Variants in CADPS2 observed in about 807,000 individuals in gnomAD.
CADPS2 encodes calcium-dependent secretion activator 2.
A neutral mutation model predicts 172.5 loss-of-function variants in CADPS2; 93 were observed. That is an observed-to-expected ratio of 0.54 (90% CI 0.46 to 0.64). The LOEUF (loss-of-function observed/expected upper bound fraction) is 0.64, where lower values mean the gene tolerates loss of function less well. CADPS2 is among the 30% of genes least tolerant of loss of function. The pLI is 0.00. For synonymous variants in CADPS2, 546 were observed against 555.2 expected (o/e 0.98, Z 0.23); for missense variants, 1,420 against 1,565.9 (o/e 0.91, Z 1.57).
At chr7:122,478,466 C>T (rs1263541942) in intron 12 of CADPS2, among the ~76,000 whole-genome samples, 1 of 152,058 alleles carries the variant, frequency 6.6e-6, no homozygotes, top group South Asian at 2.1e-4. Context: ...TATGCTCGAG[C>T]GTCTTTAGGT....
intron 1 of CADPS2, among the ~76,000 whole-genome samples, chr7:122,765,058 C>G (rs1299337963): frequency 6.6e-6 from 1 of 152,300 alleles, no homozygotes; most frequent in East Asian, 1.9e-4. Flanking sequence ...TTCACTCTCT[C>G]ATGAATTTAA....
intron 2 of CADPS2, among the ~76,000 whole-genome samples, chr7:122,717,057 C>A (rs2089712044): frequency 1.3e-5 from 2 of 152,116 alleles, no homozygotes; most frequent in South Asian, 4.1e-4. Flanking sequence ...AGCTAAATGG[C>A]AAAACAAAGA....
At chr7:122,669,212 T>C (rs2081504753) in intron 2 of CADPS2, among the ~76,000 whole-genome samples, 1 of 152,022 alleles carries the variant, frequency 6.6e-6, no homozygotes, top group South Asian at 2.1e-4. Flanking sequence ...ATGCCTGTGC[T>C]CCTAGCTACA....
intron 1 of CADPS2, among the ~76,000 whole-genome samples, chr7:122,873,490 G>A (rs560862854): frequency 3.3e-4 from 50 of 152,294 alleles, no homozygotes; most frequent in Middle Eastern, 3.4e-3. Flanking sequence ...CCCCTGCAAA[G>A]GACATGAACT....
chr7:122,712,902 T>A (rs1008872876), intron 2 of CADPS2, among the ~76,000 whole-genome samples: 1 of 152,026 alleles, frequency 6.6e-6, no homozygotes, highest in South Asian at 2.1e-4. Context: ...TCTGCTCCCA[T>A]GAGCTAATCA....
At chr7:122,678,433 G>A (rs2082608418) in intron 2 of CADPS2, among the ~76,000 whole-genome samples, 1 of 152,232 alleles carries the variant, frequency 6.6e-6, no homozygotes, top group Admixed American at 6.5e-5. Context: ...TGGCCACACA[G>A]AAGATGGGAG....
intron 1 of CADPS2, among the ~76,000 whole-genome samples, chr7:122,826,964 A>G (rs1186111229): frequency 6.6e-6 from 1 of 152,176 alleles, no homozygotes; most frequent in Non-Finnish European, 1.5e-5. Flanking sequence ...AAAATAGGAA[A>G]ACAACAAAGG....
intron 3 of CADPS2, among the ~76,000 whole-genome samples, chr7:122,658,782 T>C (rs2080144130): frequency 6.6e-6 from 1 of 152,054 alleles, no homozygotes; most frequent in Non-Finnish European, 1.5e-5. Context: ...ATACCTAATG[T>C]AAATGATGAG....
intron 1 of CADPS2, among the ~76,000 whole-genome samples, chr7:122,811,047 G>A (rs1053541874): frequency 1.6e-4 from 25 of 152,192 alleles, no homozygotes; most frequent in African/African-American, 3.4e-4. Flanking sequence ...AGTATGTCAC[G>A]TTCTGATAAA....
intron 7 of CADPS2, among the ~76,000 whole-genome samples, chr7:122,565,850 A>G (rs1484163165): frequency 6.6e-6 from 1 of 152,214 alleles, no homozygotes; most frequent in Non-Finnish European, 1.5e-5. Flanking sequence ...ATTATTAACT[A>G]TAGTCACCAT....
chr7:122,388,736 T>C lies in CADPS2; in HGVS notation c.3011A>G (p.Asn1004Ser). 2.5e-6 allele frequency: 4 copies of C among 1,597,004 alleles called. No individual in the cohort carries two copies. Among genetic ancestry groups the C allele is most frequent in the Admixed American group, 1.7e-5 (1 of 58,572 alleles). Residue 1004 changes from asparagine to serine, a missense_variant and splice_region_variant, in exon 23 of 30, where the codon AAT becomes AGT. Physicochemically the swap from Asn to Ser is conservative, Grantham distance 46. Coordinates refer to ENST00000449022, the MANE Select transcript of CADPS2 (RefSeq NM_017954.11). ...AAGGTCTTCTGATGTTGCTGAGCCA[T>C]TGCTAGAAGAAAAAGGAAAAATGAA... Reference protein sequence around the residue: ...SWMPSLYESTNGSATSEDLFW... With the variant: ...SWMPSLYESTSGSATSEDLFW...
chr7:122,732,797 T>A (rs181023413), intron 2 of CADPS2, among the ~76,000 whole-genome samples: 20 of 142,762 alleles, frequency 1.4e-4, no homozygotes, highest in Admixed American at 1.4e-3. Context: ...TATATATACA[T>A]TATATATTAT....
intron 8 of CADPS2, among the ~76,000 whole-genome samples, chr7:122,533,747 C>A (rs1157220889): frequency 1.3e-5 from 2 of 152,072 alleles, no homozygotes; most frequent in Non-Finnish European, 2.9e-5. Flanking sequence ...TTAAACGATT[C>A]TCAATATGTA....
intron 8 of CADPS2, among the ~76,000 whole-genome samples, chr7:122,520,538 T>C (rs1345636861): frequency 2.0e-5 from 3 of 152,096 alleles, no homozygotes; most frequent in Admixed American, 2.0e-4. Context: ...TAACTCATCT[T>C]CATATCACAA....
At chr7:122,774,231 T>C (rs1251110383) in intron 1 of CADPS2, among the ~76,000 whole-genome samples, 3 of 150,874 alleles carry the variant, frequency 2.0e-5, no homozygotes, top group African/African-American at 4.9e-5. Context: ...TTCAAGTCTC[T>C]TCAACAACAA....
At chr7:122,842,616 A>C (rs768714593) in intron 1 of CADPS2, among the ~76,000 whole-genome samples, 38 of 152,364 alleles carry the variant, frequency 2.5e-4, no homozygotes, top group Admixed American at 3.3e-4. Context: ...GAAAATGCTT[A>C]CAGTATTGTA....
At chr7:122,863,253 T>C (rs547063522) in intron 1 of CADPS2, among the ~76,000 whole-genome samples, 38 of 152,214 alleles carry the variant, frequency 2.5e-4, no homozygotes, top group Non-Finnish European at 4.9e-4. Context: ...ACTTGCTATA[T>C]ATTAAAATCA....
At chr7:122,389,900 A>T (rs540087249) in intron 22 of CADPS2, among the ~76,000 whole-genome samples, 1 of 152,008 alleles carries the variant, frequency 6.6e-6, no homozygotes, top group African/African-American at 2.4e-5. Context: ...AGTAAAATTA[A>T]AAAAAAATAA....
At position 122,669,357 on chromosome 7, in the gene CADPS2, T is replaced by TA. The variant is rs66554243; in HGVS notation, c.454-5789_454-5788insT. On this transcript the variant is annotated intron_variant, in intron 2 of 29. Coordinates refer to ENST00000449022, the MANE Select transcript of CADPS2 (RefSeq NM_017954.11). ...AGAAAAAATATATATATATATATAT[T>TA]TTTTTTTTTTGAGAAAAAGTAATTA... 7.7e-3 allele frequency among the ~76,000 whole-genome samples: 383 copies of TA among 49,942 alleles called. 3 individuals are homozygous for TA. In the East Asian group the frequency reaches 0.18, roughly 24 times the overall value. 32.8% of individuals were successfully genotyped at this position (49,942 alleles called of 152,430 possible). A position where few individuals can be genotyped will look rare whatever the true frequency, so the allele number is the denominator to read the frequency against.
Sources: gnomAD v4.1 joint callset for allele counts (sites outside exome capture counted in the v4.1 genomes callset) on GRCh38, gnomAD v4.1.1 for gene constraint, MANE v1.5 for transcripts, NCBI Gene and HGNC (gene_info 2026-07-23, HGNC 2026-07-21) for gene names.